STRBP: variants seen among roughly 807,000 people sequenced by gnomAD.
STRBP encodes the protein spermatid perinuclear RNA-binding protein.
A neutral mutation model predicts 80.1 loss-of-function variants in STRBP; 13 were observed. The ratio of observed to expected loss-of-function variants is 0.16; its 90% CI spans 0.11 to 0.26. The LOEUF is 0.26. STRBP is among the 10% of genes least tolerant of loss of function. The pLI, the probability that STRBP is intolerant of heterozygous loss-of-function variation, is 1.00. For missense variants in STRBP, 485 were observed against 815.2 expected (o/e 0.59, Z 4.93); for synonymous variants, 284 against 291.2 (o/e 0.98, Z 0.25).
intron 2 of STRBP, chr9:123,116,214 TC>T (rs1328082863): frequency 2.4e-6 from 1 of 410,218 alleles, no homozygotes; most frequent in African/African-American, 2.1e-5. Flanking sequence ...GTGACGGTGA[TC>T]CCATGGGTTA....
chr9:123,219,654 C>T (rs923464544), intron 2 of STRBP, among the ~76,000 whole-genome samples: 9 of 152,104 alleles, frequency 5.9e-5, no homozygotes, highest in African/African-American at 1.2e-4. Flanking sequence ...TTTAGCGAGA[C>T]GCAGTAAGGC....
chr9:123,165,282 A>AT (rs1479615511), intron 6 of STRBP, among the ~76,000 whole-genome samples: 1 of 150,408 alleles, frequency 6.6e-6, no homozygotes, highest in Non-Finnish European at 1.5e-5. Context: ...TCCATCTCAA[A>AT]AAAAAAAAAA....
chr9:123,204,494 A>G (rs2039441635), intron 2 of STRBP, among the ~76,000 whole-genome samples: 1 of 152,120 alleles, frequency 6.6e-6, no homozygotes, highest in Non-Finnish European at 1.5e-5. Flanking sequence ...ATAGTACATG[A>G]CTCCGTAGCT....
chr9:123,229,406 A>G (rs1268810976), intron 2 of STRBP, among the ~76,000 whole-genome samples: 2 of 152,226 alleles, frequency 1.3e-5, no homozygotes, highest in Non-Finnish European at 2.9e-5. Context: ...AGTTGAATAG[A>G]GACTACTTCT....
At chr9:123,230,721 T>A (rs944914319) in intron 2 of STRBP, among the ~76,000 whole-genome samples, 5 of 152,202 alleles carry the variant, frequency 3.3e-5, no homozygotes, top group African/African-American at 4.8e-5. Context: ...CTATTAATAA[T>A]TAAAACTAGG....
chr9:123,266,639 C>G (rs2041272204), intron 1 of STRBP, among the ~76,000 whole-genome samples: 1 of 152,008 alleles, frequency 6.6e-6, no homozygotes, highest in Admixed American at 6.5e-5. Flanking sequence ...TCTTAAGCAA[C>G]CTGTGTTCCT....
At chr9:123,160,894 C>T (rs1401940612) in intron 7 of STRBP, 83 bp downstream of exon 7, 2 of 1,163,662 alleles carry the variant, frequency 1.7e-6, no homozygotes, top group Non-Finnish European at 2.4e-6. Context: ...TTATGTAGTA[C>T]ACAGAAACCA....
intron 11 of STRBP, among the ~76,000 whole-genome samples, chr9:123,152,458 C>T (rs1474875561): frequency 6.6e-6 from 1 of 151,806 alleles, no homozygotes; most frequent in Non-Finnish European, 1.5e-5. Context: ...CTGTAAAAAG[C>T]CCAAACTGGA....
intron 1 of STRBP, among the ~76,000 whole-genome samples, chr9:123,254,863 G>C (rs2040995172): frequency 6.6e-6 from 1 of 151,850 alleles, no homozygotes; most frequent in Admixed American, 6.6e-5. Context: ...ATTATCTAAG[G>C]GCAAAGAAAA....
chr9:123,215,390 T>C (rs2039862971), intron 2 of STRBP, among the ~76,000 whole-genome samples: 2 of 152,188 alleles, frequency 1.3e-5, no homozygotes, highest in South Asian at 4.1e-4. Context: ...CACCCAATCA[T>C]TACAGCCACT....
At chr9:123,175,199 T>C (rs1403595492) in intron 4 of STRBP, among the ~76,000 whole-genome samples, 1 of 152,208 alleles carries the variant, frequency 6.6e-6, no homozygotes, top group South Asian at 2.1e-4. Flanking sequence ...CTAAGTTGTT[T>C]TGACCACAAC....
Position 123,158,082 on chromosome 9 carries a change from C to T in STRBP, c.975G>A (p.Val325=). ...RLSAFGQIYK[V]LEMDPLPSSK... ...TAGATGGAAGGGGGTCCATCTCCAG[C>T]ACTTTGTAAATCTGGCCAAAGGCTG... The change falls in exon 11 of 19, where the codon GTG becomes GTA. Residue 325 remains valine (V), a synonymous_variant. Coordinates refer to ENST00000348403, the MANE Select transcript of STRBP (RefSeq NM_018387.5). 4 of 1,609,538 alleles carry T rather than the reference C, an allele frequency of 2.5e-6. No homozygotes were observed. Among genetic ancestry groups the T allele is most frequent in the Non-Finnish European group, 3.4e-6 (4 of 1,178,590 alleles).
At chr9:123,194,796 T>TC (rs1372798948) in intron 2 of STRBP, among the ~76,000 whole-genome samples, 1 of 152,116 alleles carries the variant, frequency 6.6e-6, no homozygotes, top group Non-Finnish European at 1.5e-5. Flanking sequence ...TACACTTTAC[T>TC]CCCCTTGGCT....
chr9:123,262,700 A>T (rs2041183939), intron 1 of STRBP, among the ~76,000 whole-genome samples: 1 of 152,246 alleles, frequency 6.6e-6, no homozygotes, highest in Admixed American at 6.5e-5. Context: ...AATAAAATTT[A>T]GGACTGCTTC....
intron 1 of STRBP, among the ~76,000 whole-genome samples, chr9:123,254,392 C>G (rs1328601709): frequency 6.9e-6 from 1 of 143,906 alleles, no homozygotes; most frequent in Non-Finnish European, 1.5e-5. Context: ...ACCCGGGAGG[C>G]GGAGCCTGCA....
At chr9:123,202,399 G>A (rs2039359648) in intron 2 of STRBP, among the ~76,000 whole-genome samples, 1 of 152,132 alleles carries the variant, frequency 6.6e-6, no homozygotes, top group South Asian at 2.1e-4. Flanking sequence ...TTGTAGTGCT[G>A]GTTTGGTAGG....
At chr9:123,132,325 AAC>A (rs1314574050) in intron 17 of STRBP, among the ~76,000 whole-genome samples, 1 of 152,178 alleles carries the variant, frequency 6.6e-6, no homozygotes, top group African/African-American at 2.4e-5. Context: ...TTAAATTAAA[AAC>A]AATTTAATAG....
At chr9:123,155,785 A>T (rs770164717) in intron 11 of STRBP, among the ~76,000 whole-genome samples, 26 of 152,186 alleles carry the variant, frequency 1.7e-4, no homozygotes, top group Non-Finnish European at 3.4e-4. Flanking sequence ...TGAGAGAAGA[A>T]GTCACAGAAC....
chr9:123,211,434 T>C (rs1210049361), intron 2 of STRBP, among the ~76,000 whole-genome samples: 2 of 152,128 alleles, frequency 1.3e-5, no homozygotes, highest in Non-Finnish European at 2.9e-5. Context: ...GCCATGGGGA[T>C]AGGATGGTTG....
Sources: gnomAD v4.1 joint callset for allele counts (sites outside exome capture counted in the v4.1 genomes callset) on GRCh38, gnomAD v4.1.1 for gene constraint, MANE v1.5 for transcripts, NCBI Gene and HGNC (gene_info 2026-07-23, HGNC 2026-07-21) for gene names.